ARFGAP2: variants seen among roughly 807,000 people sequenced by gnomAD.
ARFGAP2 encodes the protein ARF GTPase activating protein 2, also known as ADP-ribosylation factor GTPase-activating protein 2.
In ARFGAP2, 45 loss-of-function variants were observed where a neutral mutation model predicts 71.9. That is an observed-to-expected ratio of 0.63 (90% CI 0.49 to 0.80). The LOEUF (loss-of-function observed/expected upper bound fraction) is 0.80, where lower values mean the gene tolerates loss of function less well. ARFGAP2 is among the 30% of genes least tolerant of loss of function. The pLI is 0.00. For missense variants in ARFGAP2, 633 were observed against 673.9 expected (o/e 0.94, Z 0.67); for synonymous variants, 248 against 249.2 (o/e 1.00, Z 0.05).
intron 7 of ARFGAP2, chr11:47,172,582 G>A: frequency 8.4e-7 from 1 of 1,193,542 alleles, no homozygotes. Context: ...CGAAGCACCA[G>A]AGACGTCCAA....
intron 15 of ARFGAP2, among the ~76,000 whole-genome samples, chr11:47,165,991 G>A (rs571290894): frequency 3.3e-5 from 5 of 152,098 alleles, no homozygotes; most frequent in South Asian, 2.1e-4. Flanking sequence ...TCAGCATCCC[G>A]AGTAGCGGGA....
rs368662981 is a variant in ARFGAP2 at position 47,166,396 on chromosome 11, A to G, written c.1427-10T>C. 3.1e-6 allele frequency: 5 copies of G among 1,613,660 alleles called. No homozygotes were observed. The African/African-American group carries it at 6.7e-5, about 22-fold the overall frequency. ...CCCAGAGATACACTTCCTGTAAAAC[A>G]AGAGCAGGGTGACCCAGAGCCCAGC... On this transcript the variant is annotated splice_polypyrimidine_tract_variant and intron_variant, in intron 14 of 15. Transcript: ENST00000524782.
intron 9 of ARFGAP2, 37 bp downstream of exon 9, chr11:47,171,627 C>A: frequency 2.5e-6 from 4 of 1,613,968 alleles, no homozygotes; most frequent in Non-Finnish European, 3.4e-6. Context: ...CCCACCAAGC[C>A]CCGCAGAAGC....
At chr11:47,175,689 G>A (rs756937255) in intron 3 of ARFGAP2, 162 bp downstream of exon 3, 1 of 771,540 alleles carries the variant, frequency 1.3e-6, no homozygotes, top group Non-Finnish European at 2.1e-6. Context: ...CCATTTAAGA[G>A]AAGCTGTGAC....
At chr11:47,168,280 G>T in intron 10 of ARFGAP2, 29 bp from the exon 11 acceptor site, 2 of 1,613,224 alleles carry the variant, frequency 1.2e-6, no homozygotes, top group South Asian at 1.1e-5. Flanking sequence ...CCAGGCATGA[G>T]ACCAAAGGAT....
In ARFGAP2 at chr11:47,164,382, G is replaced by C. The variant is rs935501622; in HGVS notation, c.*1100C>G. The C allele has an allele frequency of 9.2e-7, 1 of 1,091,408 alleles. No individual in the cohort carries two copies. The highest frequency in any genetic ancestry group is 2.9e-4 in the Middle Eastern group (1 of 3,440). 67.6% of individuals were successfully genotyped at this position (1,091,408 alleles called of 1,614,324 possible). On this transcript the variant is annotated 3_prime_UTR_variant, in exon 16 of 16. Coordinates refer to ENST00000524782, the MANE Select transcript of ARFGAP2 (RefSeq NM_032389.6). ...TGTTTCAATACAAACAGTCCAGAAA[G>C]AAAGTCAAGTCCCTCTGGGGGAGGG...
intron 10 of ARFGAP2, among the ~76,000 whole-genome samples, chr11:47,170,151 C>T (rs1008685832): frequency 1.3e-5 from 2 of 151,796 alleles, no homozygotes; most frequent in Non-Finnish European, 2.9e-5. Context: ...ATGGTGAAAC[C>T]CCATCTCTAC....
At chr11:47,176,480 C>A (rs747475217) in intron 2 of ARFGAP2, 36 bp downstream of exon 2, 3 of 1,595,670 alleles carry the variant, frequency 1.9e-6, no homozygotes, top group Non-Finnish European at 2.6e-6. Context: ...CCCTGGCCGG[C>A]CGGGTGGAAA....
chr11:47,175,454 A>G (rs1952768536), intron 3 of ARFGAP2, 141 bp from the exon 4 acceptor site: 2 of 1,352,630 alleles, frequency 1.5e-6, no homozygotes, highest in Non-Finnish European at 2.1e-6. Context: ...GGTTTTTCAG[A>G]GATAAAGTTT....
At position 47,168,127 on chromosome 11, in the gene ARFGAP2, G is replaced by C; in HGVS notation, c.1066C>G (p.Pro356Ala). The C allele has an allele frequency of 1.9e-6, 3 of 1,614,182 alleles. No individual in the cohort carries two copies. The highest frequency in any genetic ancestry group is 2.5e-6 in the Non-Finnish European group (3 of 1,180,032). ...ACAGCTAGAAAACAGCCTTACTTTG[G>C]GGGTCCAGAGGCGAAAGTACCAACA... ...DDVGTFASGPPKYKDNPFSLG... is the reference protein window; with the variant it reads ...DDVGTFASGPAKYKDNPFSLG... The change falls in exon 11 of 16, where the codon CCA (proline) becomes GCA (alanine). Residue 356 changes from proline (P) to alanine (A), a missense_variant. By Grantham distance (27) the Pro-to-Ala change is conservative. Transcript: ENST00000524782.
chr11:47,175,487 C>G (rs1952770461), intron 3 of ARFGAP2, 174 bp from the exon 4 acceptor site: 2 of 1,016,472 alleles, frequency 2.0e-6, no homozygotes, highest in Non-Finnish European at 2.9e-6. Flanking sequence ...GCAAAAAACA[C>G]CTTGCAGCGG....
intron 7 of ARFGAP2, chr11:47,172,573 G>A (rs897944255): frequency 1.1e-5 from 12 of 1,141,774 alleles, no homozygotes; most frequent in African/African-American, 7.8e-5. Flanking sequence ...AGAGACGTCC[G>A]AAGCACCAGA....
Position 47,173,155 on chromosome 11 carries a change from C to T in ARFGAP2, c.619+271G>A, listed in dbSNP as rs1952666026. Reference sequence around the variant, plus strand: ...TAGGTGTCCAGTCTCATGCTGGCCTCCCCAACACTTTGGCTAGACCCAGCC... The same window carrying T: ...TAGGTGTCCAGTCTCATGCTGGCCTTCCCAACACTTTGGCTAGACCCAGCC... On this transcript the variant is annotated intron_variant, in intron 7 of 15. Coordinates refer to ENST00000524782, the MANE Select transcript of ARFGAP2 (RefSeq NM_032389.6). 1.2e-5 allele frequency: 6 copies of T among 489,564 alleles called. No homozygotes were observed. In the South Asian group the frequency reaches 1.3e-4, roughly 10 times the overall value. 30.3% of individuals were successfully genotyped at this position (489,564 alleles called of 1,614,324 possible). A position where few individuals can be genotyped will look rare whatever the true frequency, so the allele number is the denominator to read the frequency against.
chr11:47,175,763 G>A (rs981035214), intron 3 of ARFGAP2, 88 bp downstream of exon 3: 3 of 1,500,134 alleles, frequency 2.0e-6, no homozygotes, highest in South Asian at 2.3e-5. Flanking sequence ...CCTCTGAACA[G>A]GGAAAACGAC....
rs184658989 is a variant in ARFGAP2 at position 47,167,760 on chromosome 11, C to T, written c.1205+149G>A. 9.7e-6 allele frequency: 10 copies of T among 1,029,400 alleles called. No homozygotes were observed. The Admixed American group carries it at 1.5e-4, about 15-fold the overall frequency. 63.8% of individuals were successfully genotyped at this position (1,029,400 alleles called of 1,614,324 possible). A position where few individuals can be genotyped will look rare whatever the true frequency, so the allele number is the denominator to read the frequency against. On this transcript the variant is annotated intron_variant, in intron 12 of 15. Transcript: ENST00000524782. ...CAACCACATTTTAAGGGCTCATAGC[C>T]ACATAGTAGTGGCTACCATATTAAA... is the stretch of plus-strand genomic sequence containing the variant.
chr11:47,176,219 TAAC>T (rs1242114600), intron 2 of ARFGAP2: 1 of 586,630 alleles, frequency 1.7e-6, no homozygotes, highest in African/African-American at 1.9e-5. Flanking sequence ...CATACTGGTC[TAAC>T]AACATATCAG....
intron 5 of ARFGAP2, 127 bp from the exon 6 acceptor site, chr11:47,173,967 T>A: frequency 6.6e-7 from 1 of 1,505,752 alleles, no homozygotes; most frequent in Non-Finnish European, 8.9e-7. Context: ...GACTGGAGGG[T>A]AGCAAACAAG....
At position 47,171,680 on chromosome 11, in the gene ARFGAP2, G is replaced by C; in HGVS notation, c.793C>G (p.Gln265Glu). 8 of 1,613,726 alleles carry C rather than the reference G, an allele frequency of 5.0e-6. No individual in the cohort carries two copies. Among genetic ancestry groups the C allele is most frequent in the Non-Finnish European group, 6.8e-6 (8 of 1,180,028 alleles). The change falls in exon 9 of 16, where the codon CAG becomes GAG. Residue 265 changes from glutamine (Q) to glutamate (E), a missense_variant. Gln to Glu is a conservative substitution (Grantham distance 29). Coordinates refer to ENST00000524782, the MANE Select transcript of ARFGAP2 (RefSeq NM_032389.6). The part of the protein sequence containing the change: ...REQQAADAKK[Q>E]AEESMVASMR... Reference sequence around the variant, plus strand: ...AACACTTACATGGACTCCTCCGCCTGCTTCTTGGCATCGGCTGCCTGCTGC... The same window carrying C: ...AACACTTACATGGACTCCTCCGCCTCCTTCTTGGCATCGGCTGCCTGCTGC...
chr11:47,173,475 C>T lies in ARFGAP2; in HGVS notation c.570G>A (p.Glu190=), dbSNP rs781062982. Residue 190 remains glutamate, a synonymous_variant, in exon 7 of 16, where the codon GAG becomes GAA. Coordinates refer to ENST00000524782, the MANE Select transcript of ARFGAP2 (RefSeq NM_032389.6). ...CAAGCAGGTCTGTGTTGGGGCCATG[C>T]TCCGGCTCTGTGGATGCAATGGTAG... ...STESSGLAQP[E]HGPNTDLLGT... 6.4e-7 allele frequency: 1 copy of T among 1,557,642 alleles called. No individual in the cohort carries two copies. The highest frequency in any genetic ancestry group is 8.7e-7 in the Non-Finnish European group (1 of 1,150,702).
Sources: gnomAD v4.1 joint callset for allele counts (sites outside exome capture counted in the v4.1 genomes callset) on GRCh38, gnomAD v4.1.1 for gene constraint, MANE v1.5 for transcripts, NCBI Gene and HGNC (gene_info 2026-07-23, HGNC 2026-07-21) for gene names.